COBL: variants seen among roughly 807,000 people sequenced by gnomAD.
The protein encoded by COBL is cordon-bleu WH2 repeat protein.
A neutral mutation model predicts 98.8 loss-of-function variants in COBL; 51 were observed. The observed-to-expected ratio is 0.52, with a 90% CI of 0.41 to 0.65. COBL has a LOEUF of 0.65. COBL is among the 30% of genes least tolerant of loss of function. The pLI, the probability that COBL is intolerant of heterozygous loss-of-function variation, is 0.00. For synonymous variants in COBL, 634 were observed against 651.7 expected (o/e 0.97, Z 0.41); for missense variants, 1,617 against 1,617.5 (o/e 1.00, Z 0.01).
At chr7:51,072,668 T>TA (rs1792680009) in intron 7 of COBL, 1 of 152,084 alleles carries the variant, frequency 6.6e-6, no homozygotes, top group South Asian at 2.1e-4. Context: ...GGTGAAGAAA[T>TA]GAATAGAATA....
chr7:51,056,681 T>C (rs1790779326), intron 7 of COBL, among the ~76,000 whole-genome samples: 1 of 152,228 alleles, frequency 6.6e-6, no homozygotes, highest in Non-Finnish European at 1.5e-5. Context: ...AAAGATACTC[T>C]AATCGGGGCT....
Position 51,025,241 on chromosome 7 carries a change from T to TGGGGGGG in COBL, c.3635_3636insCCCCCCC (p.Ser1214ProfsTer76). 1 of 381,036 alleles carries TGGGGGGG rather than the reference T, an allele frequency of 2.6e-6. No homozygotes were observed. The highest frequency in any genetic ancestry group is 8.0e-5 in the East Asian group (1 of 12,558). The allele number at this position is 381,036 out of a possible 1,614,324, so 23.6% of individuals were successfully genotyped here. On this transcript the variant is annotated frameshift_variant, in exon 12 of 13. Transcript: ENST00000265136. LOFTEE classifies it high-confidence loss of function. ...TTGGTGCAGAGAGAGCCTGGGAGGG[T>TGGGGGGG]GGAGGGGGTGGTGGGGGAATGGCTG...
intron 7 of COBL, among the ~76,000 whole-genome samples, chr7:51,046,479 A>G (rs1039028476): frequency 5.9e-5 from 9 of 152,260 alleles, no homozygotes; most frequent in African/African-American, 1.9e-4. Context: ...TGTCCTGGGC[A>G]TCTTTTGTTT....
intron 1 of COBL, among the ~76,000 whole-genome samples, chr7:51,245,836 A>G (rs1251976596): frequency 1.3e-5 from 2 of 152,244 alleles, no homozygotes; most frequent in African/African-American, 4.8e-5. Context: ...ACATTGGGGC[A>G]CTTTTAAAGT....
chr7:51,171,777 G>A lies in COBL; in HGVS notation c.783+12325C>T, dbSNP rs114780203. Among the ~76,000 whole-genome samples the A allele has an allele frequency of 7.8e-3, 1,187 of 151,898 alleles. 13 individuals are homozygous for A. The highest frequency in any genetic ancestry group is 0.028 in the African/African-American group (1,148 of 41,422). ...TTATAACATATTTTACTTAAAGTCC[G>A]TATTAAAGACTTTCAAGCATAAAAT... On this transcript the variant is annotated intron_variant, in intron 5 of 12. Transcript: ENST00000265136.
At chr7:51,146,265 G>A (rs1378662051) in intron 5 of COBL, among the ~76,000 whole-genome samples, 1 of 152,152 alleles carries the variant, frequency 6.6e-6, no homozygotes, top group Non-Finnish European at 1.5e-5. Context: ...TCACAAATTT[G>A]GGTACTCTAT....
At chr7:51,067,983 A>T (rs1048253648) in intron 7 of COBL, among the ~76,000 whole-genome samples, 1 of 152,186 alleles carries the variant, frequency 6.6e-6, no homozygotes, top group Non-Finnish European at 1.5e-5. Context: ...TGGCCACTGC[A>T]GTGGAGCCCA....
chr7:51,178,636 T>C lies in COBL; in HGVS notation c.783+5466A>G, dbSNP rs187175560. The stretch of plus-strand genomic sequence containing the variant: ...AAAACTGAGTCTCTCTTCTTTTTTT[T>C]TGAGACAGTCTCGCTCTGTTGCCCA... On this transcript the variant is annotated intron_variant, in intron 5 of 12. Transcript: ENST00000265136. Among the ~76,000 whole-genome samples, 296 of 152,256 alleles carry C rather than the reference T, an allele frequency of 1.9e-3. 3 individuals are homozygous for C. Among genetic ancestry groups the C allele is most frequent in the African/African-American group, 6.2e-3 (256 of 41,552 alleles).
intron 8 of COBL, among the ~76,000 whole-genome samples, chr7:51,040,913 G>A (rs957539827): frequency 6.6e-6 from 1 of 152,234 alleles, no homozygotes; most frequent in East Asian, 1.9e-4. Flanking sequence ...AGCAAACAAT[G>A]AGTCCTATGC....
chr7:51,065,606 A>T (rs910113333), intron 7 of COBL, among the ~76,000 whole-genome samples: 2 of 152,260 alleles, frequency 1.3e-5, no homozygotes, highest in African/African-American at 4.8e-5. Context: ...GGCCTCCAAC[A>T]GGGCCAAGCC....
At chr7:51,283,492 G>GT (rs1287364875) in intron 1 of COBL, among the ~76,000 whole-genome samples, 3 of 152,026 alleles carry the variant, frequency 2.0e-5, no homozygotes, top group Non-Finnish European at 4.4e-5. Flanking sequence ...TTGTTTGTTT[G>GT]TTTTTTTGTG....
At chr7:51,191,631 A>G (rs561542780) in intron 3 of COBL, among the ~76,000 whole-genome samples, 1 of 151,914 alleles carries the variant, frequency 6.6e-6, no homozygotes, top group East Asian at 1.9e-4. Flanking sequence ...ACAGACCTAC[A>G]TGTATTTATG....
intron 4 of COBL, among the ~76,000 whole-genome samples, chr7:51,186,298 C>T (rs768742454): frequency 8.5e-5 from 13 of 152,164 alleles, no homozygotes; most frequent in Admixed American, 3.3e-4. Flanking sequence ...AGATGTGACC[C>T]CATCGTAAGT....
intron 1 of COBL, among the ~76,000 whole-genome samples, chr7:51,291,830 G>C (rs1163011537): frequency 6.6e-6 from 1 of 151,998 alleles, no homozygotes; most frequent in South Asian, 2.1e-4. Context: ...GATAGAATGG[G>C]GAGCTTTTGC....
At chr7:51,197,219 T>C (rs1424671045) in intron 2 of COBL, among the ~76,000 whole-genome samples, 1 of 152,230 alleles carries the variant, frequency 6.6e-6, no homozygotes, top group Admixed American at 6.5e-5. Context: ...TGGTATGTTG[T>C]ATCTTTGATC....
rs935085572 is a variant in COBL at position 51,257,025 on chromosome 7, T to C, written c.42-37081A>G. Reference sequence around the variant, plus strand: ...AAGAGCAGAAACTAAACCAGTCCAGTGGAAGTGTCACATATATTGTTGCAT... The same window carrying C: ...AAGAGCAGAAACTAAACCAGTCCAGCGGAAGTGTCACATATATTGTTGCAT... On this transcript the variant is annotated intron_variant, in intron 1 of 12. Coordinates refer to ENST00000265136, the MANE Select transcript of COBL (RefSeq NM_015198.5). Among the ~76,000 whole-genome samples, 3 of 152,232 alleles carry C rather than the reference T, an allele frequency of 2.0e-5. No homozygotes were observed. In the South Asian group the frequency reaches 6.2e-4, roughly 32 times the overall value.
chr7:51,215,375 GT>G (rs533514616), intron 2 of COBL, among the ~76,000 whole-genome samples: 4 of 152,204 alleles, frequency 2.6e-5, no homozygotes, highest in Admixed American at 6.5e-5. Flanking sequence ...GCATGTTTTT[GT>G]TTTTTTCAGC....
At chr7:51,045,323 C>T (rs1201694268) in intron 7 of COBL, among the ~76,000 whole-genome samples, 1 of 152,184 alleles carries the variant, frequency 6.6e-6, no homozygotes, top group Non-Finnish European at 1.5e-5. Context: ...TAAGTGGGTG[C>T]CTGAATGTGA....
chr7:51,188,216 G>A (rs907943580), intron 4 of COBL, among the ~76,000 whole-genome samples: 1 of 152,242 alleles, frequency 6.6e-6, no homozygotes, highest in Non-Finnish European at 1.5e-5. Context: ...GGATTCCAGG[G>A]GAGGGCAGGC....
Sources: gnomAD v4.1 joint callset for allele counts (sites outside exome capture counted in the v4.1 genomes callset) on GRCh38, gnomAD v4.1.1 for gene constraint, MANE v1.5 for transcripts, NCBI Gene and HGNC (gene_info 2026-07-23, HGNC 2026-07-21) for gene names.